Variants in CTNNA2 observed in about 807,000 individuals in gnomAD.
CTNNA2 encodes catenin alpha-2.
CTNNA2 carries 42 observed loss-of-function variants against 101.0 expected under a neutral mutation model. The ratio of observed to expected loss-of-function variants is 0.42; its 90% CI spans 0.32 to 0.54. The LOEUF (loss-of-function observed/expected upper bound fraction) is 0.54, where lower values mean the gene tolerates loss of function less well. CTNNA2 is among the 20% of genes least tolerant of loss of function. The pLI is 0.14. For missense variants in CTNNA2, 871 were observed against 1,223.1 expected (o/e 0.71, Z 4.29); for synonymous variants, 450 against 456.4 (o/e 0.99, Z 0.18).
chr2:79,843,895 C>G (rs193020951), intron 3 of CTNNA2, among the ~76,000 whole-genome samples: 1 of 151,594 alleles, frequency 6.6e-6, no homozygotes, highest in Admixed American at 6.6e-5. Context: ...AAAAAAAAAT[C>G]CATGTTAGCT....
chr2:79,453,235 A>G (rs1670776633), intron 4 of CTNNA2, among the ~76,000 whole-genome samples: 1 of 152,172 alleles, frequency 6.6e-6, no homozygotes, highest in Non-Finnish European at 1.5e-5. Flanking sequence ...CCTGCACATT[A>G]CTTAGTAGAA....
chr2:80,331,497 C>G (rs1671329335), intron 7 of CTNNA2, among the ~76,000 whole-genome samples: 1 of 152,028 alleles, frequency 6.6e-6, no homozygotes, highest in Admixed American at 6.6e-5. Flanking sequence ...CTCAGAAGGC[C>G]TAGCTTATTG....
In CTNNA2 at chr2:80,412,468, C is replaced by T. The variant is rs906943049; in HGVS notation, c.1138-6981C>T. Among the ~76,000 whole-genome samples, 4 of 152,304 alleles carry T rather than the reference C, an allele frequency of 2.6e-5. 1 individual carries two copies. The highest frequency in any genetic ancestry group is 1.3e-4 in the Admixed American group (2 of 15,298). ...CATGAGGAGTAGACTACTGTTATTT[C>T]AGTGCATTTGGCCAAAGAAATGAAT... is the stretch of plus-strand genomic sequence containing the variant. On this transcript the variant is annotated intron_variant, in intron 8 of 18. Transcript: ENST00000402739.
intron 3 of CTNNA2, among the ~76,000 whole-genome samples, chr2:79,373,464 G>A (rs1677918268): frequency 6.6e-6 from 1 of 152,156 alleles, no homozygotes; most frequent in Non-Finnish European, 1.5e-5. Context: ...TCTGTAACAG[G>A]AGAATGCCTG....
intron 3 of CTNNA2, among the ~76,000 whole-genome samples, chr2:79,809,389 A>C (rs1031863726): frequency 6.6e-6 from 1 of 152,200 alleles, no homozygotes; most frequent in Admixed American, 6.5e-5. Context: ...TAGTTGAACT[A>C]ATTTATACTT....
intron 2 of CTNNA2, among the ~76,000 whole-genome samples, chr2:79,254,792 G>A (rs1393476344): frequency 3.9e-5 from 6 of 152,124 alleles, no homozygotes; most frequent in Admixed American, 2.0e-4. Context: ...TAAAATGAAA[G>A]TAAATGACAA....
At chr2:80,361,855 C>T (rs1452493942) in intron 7 of CTNNA2, among the ~76,000 whole-genome samples, 1 of 152,082 alleles carries the variant, frequency 6.6e-6, no homozygotes, top group East Asian at 1.9e-4. Context: ...ATATGATGTG[C>T]ATCATAGACC....
intron 2 of CTNNA2, among the ~76,000 whole-genome samples, chr2:79,664,128 G>A (rs895231554): frequency 2.0e-5 from 3 of 152,138 alleles, no homozygotes; most frequent in African/African-American, 7.2e-5. Context: ...ATGTTGAAAT[G>A]TGTAATATTT....
chr2:79,465,288 G>A (rs185434571), intron 4 of CTNNA2, among the ~76,000 whole-genome samples: 1 of 152,250 alleles, frequency 6.6e-6, no homozygotes, highest in East Asian at 1.9e-4. Context: ...AAGATCAGAT[G>A]GTTGTAGATG....
intron 7 of CTNNA2, among the ~76,000 whole-genome samples, chr2:80,151,034 A>C (rs1458428897): frequency 1.3e-5 from 2 of 152,114 alleles, no homozygotes; most frequent in Non-Finnish European, 2.9e-5. Context: ...CCCTGGGCAA[A>C]AATGAAGAAG....
At chr2:80,356,640 G>T (rs1029119811) in intron 7 of CTNNA2, among the ~76,000 whole-genome samples, 13 of 152,156 alleles carry the variant, frequency 8.5e-5, no homozygotes, top group African/African-American at 3.1e-4. Context: ...AATAATAGAG[G>T]GGGGAAATGG....
At chr2:80,581,845 T>C in intron 14 of CTNNA2, 26 bp downstream of exon 14, 1 of 1,376,340 alleles carries the variant, frequency 7.3e-7, no homozygotes, top group Non-Finnish European at 1.0e-6. Context: ...AGACTTTGGC[T>C]TGGCACACAG....
intron 3 of CTNNA2, among the ~76,000 whole-genome samples, chr2:79,331,517 A>G (rs1385383553): frequency 1.3e-5 from 2 of 152,138 alleles, no homozygotes; most frequent in East Asian, 1.9e-4. Flanking sequence ...GCCTTCCAGA[A>G]AATTCCTTCA....
chr2:79,371,388 CA>C (rs1677867873), intron 3 of CTNNA2, among the ~76,000 whole-genome samples: 2 of 151,902 alleles, frequency 1.3e-5, no homozygotes, highest in African/African-American at 4.8e-5. Flanking sequence ...CTGAAGCTAT[CA>C]GCAGCAGCAG....
At position 79,217,236 on chromosome 2, in the gene CTNNA2, G is replaced by A. The variant is rs148328272; in HGVS notation, c.-406+19160G>A. ...GAGATCGTAAGTGGATCTTTTTCAC[G>A]GAGCAAAGAGCAGGAGGACAGGGGA... On this transcript the variant is annotated intron_variant, in intron 2 of 21. Coordinates refer to the CTNNA2 transcript ENST00000466387. Among the ~76,000 whole-genome samples the A allele has an allele frequency of 2.8e-3, 420 of 152,282 alleles. 1 individual carries two copies. Among genetic ancestry groups the A allele is most frequent in the African/African-American group, 9.7e-3 (405 of 41,560 alleles).
chr2:80,617,414 G>A (rs1231192326), intron 17 of CTNNA2, among the ~76,000 whole-genome samples: 2 of 151,594 alleles, frequency 1.3e-5, no homozygotes, highest in African/African-American at 2.4e-5. Context: ...AAAAGCTGTT[G>A]AATATATAAT....
intron 2 of CTNNA2, among the ~76,000 whole-genome samples, chr2:79,713,456 A>G (rs973302019): frequency 4.6e-5 from 7 of 152,174 alleles, no homozygotes; most frequent in African/African-American, 1.4e-4. Flanking sequence ...ATAAAATTTT[A>G]AAAGAGCATT....
intron 7 of CTNNA2, among the ~76,000 whole-genome samples, chr2:79,913,066 C>G (rs574548665): frequency 5.3e-5 from 8 of 152,164 alleles, no homozygotes; most frequent in Non-Finnish European, 4.4e-5. Context: ...GTAAAATTCT[C>G]TGCTTGCTCT....
chr2:80,201,367 CTT>C lies in CTNNA2; in HGVS notation c.1057-191821_1057-191820del, dbSNP rs60448795. Among the ~76,000 whole-genome samples, 29 of 80,716 alleles carry C rather than the reference CTT, an allele frequency of 3.6e-4. No individual in the cohort carries two copies. In the East Asian group the frequency reaches 3.7e-3, roughly 10 times the overall value. 53.0% of individuals were successfully genotyped at this position (80,716 alleles called of 152,430 possible). ...GTATCCACAATATTTCTTTTTCTTT[CTT>C]TTTTTTTTTTTTTTTTTTTTTTGAG... On this transcript the variant is annotated intron_variant, in intron 7 of 18. Transcript: ENST00000402739.
Sources: allele counts gnomAD v4.1 joint callset (sites outside exome capture counted in the v4.1 genomes callset), GRCh38; gene constraint gnomAD v4.1.1; transcripts MANE v1.5; gene names NCBI Gene and HGNC (gene_info 2026-07-23, HGNC 2026-07-21).